Variants in PECR observed in about 807,000 individuals in gnomAD.
The protein encoded by PECR is peroxisomal trans-2-enoyl-CoA reductase.
Under a neutral mutation model 35.3 loss-of-function variants are expected in PECR, and 30 were observed. The observed-to-expected ratio is 0.85, with a 90% CI of 0.64 to 1.15. PECR has a LOEUF of 1.15. Ranked by LOEUF, PECR falls within the 50% of genes most tolerant of loss-of-function variation. PECR has a pLI of 0.00. For missense variants in PECR, 392 were observed against 370.8 expected (o/e 1.06, Z -0.47); for synonymous variants, 148 against 138.9 (o/e 1.07, Z -0.46).
intron 2 of PECR, among the ~76,000 whole-genome samples, chr2:216,066,077 T>C (rs866590502): frequency 6.6e-6 from 1 of 152,170 alleles, no homozygotes; most frequent in Admixed American, 6.5e-5. Context: ...TGAGCCGATA[T>C]AGTGCCACTG....
chr2:216,079,557 G>A lies in PECR; in HGVS notation c.124+2061C>T, dbSNP rs1574711590. On this transcript the variant is annotated intron_variant, in intron 1 of 7. Transcript: ENST00000265322. ...TAATTTTTGTATTCTTAGTAGAGAC[G>A]AGGTTTCACCATGTTTTCCCAGGCT... Among the ~76,000 whole-genome samples the A allele has an allele frequency of 4.6e-5, 7 of 151,638 alleles. No individual in the cohort carries two copies. In the South Asian group the frequency reaches 1.5e-3, roughly 32 times the overall value.
At chr2:216,073,769 C>G (rs891385286) in intron 1 of PECR, among the ~76,000 whole-genome samples, 15 of 152,158 alleles carry the variant, frequency 9.9e-5, no homozygotes, top group African/African-American at 3.1e-4. Flanking sequence ...ACCTCCCGTA[C>G]AGGTTTGGAG....
chr2:216,071,695 C>A (rs1220635293), intron 1 of PECR, among the ~76,000 whole-genome samples: 1 of 152,158 alleles, frequency 6.6e-6, no homozygotes, highest in Non-Finnish European at 1.5e-5. Context: ...CAATCAAAAT[C>A]AACAACTCCT....
intron 6 of PECR, 75 bp downstream of exon 6, chr2:216,049,188 T>TA: frequency 1.2e-6 from 1 of 811,526 alleles, no homozygotes; most frequent in East Asian, 2.4e-5. Context: ...CCAGACCGCA[T>TA]AAAAATGACA....
chr2:216,080,446 A>AT (rs1695814465), intron 1 of PECR, among the ~76,000 whole-genome samples: 1 of 152,188 alleles, frequency 6.6e-6, no homozygotes, highest in Non-Finnish European at 1.5e-5. Context: ...CTTATATTGG[A>AT]TTTTTAGGTA....
chr2:216,059,706 T>A (rs1695296746), intron 3 of PECR, among the ~76,000 whole-genome samples: 1 of 152,226 alleles, frequency 6.6e-6, no homozygotes, highest in Non-Finnish European at 1.5e-5. Context: ...ATCTAGTGGG[T>A]GTGAAGTGGT....
intron 7 of PECR, among the ~76,000 whole-genome samples, chr2:216,043,031 ATGTATG>A (rs1220211156): frequency 6.3e-5 from 8 of 127,752 alleles, no homozygotes; most frequent in South Asian, 4.7e-4. Flanking sequence ...ATACGTATAT[ATGTATG>A]TGTATATATA....
intron 1 of PECR, among the ~76,000 whole-genome samples, chr2:216,071,089 A>G (rs1695579192): frequency 6.6e-6 from 1 of 152,010 alleles, no homozygotes; most frequent in Admixed American, 6.6e-5. Context: ...TTCAGCTCAT[A>G]CTGGGGGAAC....
At chr2:216,062,426 C>G (rs1011699427) in intron 3 of PECR, among the ~76,000 whole-genome samples, 6 of 152,018 alleles carry the variant, frequency 3.9e-5, no homozygotes, top group African/African-American at 9.7e-5. Context: ...CAACATTTTT[C>G]CAAAAGTAAA....
At chr2:216,078,525 T>G (rs921827423) in intron 1 of PECR, among the ~76,000 whole-genome samples, 1 of 150,550 alleles carries the variant, frequency 6.6e-6, no homozygotes, top group Non-Finnish European at 1.5e-5. Context: ...GAGGTGGAGG[T>G]TGCAGTGAGC....
intron 7 of PECR, among the ~76,000 whole-genome samples, chr2:216,033,225 C>G (rs767487104): frequency 5.9e-5 from 9 of 152,168 alleles, no homozygotes; most frequent in Non-Finnish European, 1.3e-4. Context: ...ACCAACCCCC[C>G]TTCCTCCATT....
intron 7 of PECR, among the ~76,000 whole-genome samples, chr2:216,030,871 G>A (rs1694671805): frequency 6.7e-6 from 1 of 150,062 alleles, no homozygotes; most frequent in African/African-American, 2.5e-5. Flanking sequence ...AATTAATTCT[G>A]TGGGCAATTT....
At chr2:216,060,504 A>G (rs1039924322) in intron 3 of PECR, among the ~76,000 whole-genome samples, 1 of 152,124 alleles carries the variant, frequency 6.6e-6, no homozygotes, top group Non-Finnish European at 1.5e-5. Flanking sequence ...TCTATGAAAA[A>G]TTAAAAAATT....
chr2:216,042,951 G>GTATA (rs200990474), intron 7 of PECR, among the ~76,000 whole-genome samples: 4 of 124,586 alleles, frequency 3.2e-5, no homozygotes, highest in South Asian at 2.5e-4. Flanking sequence ...ACGTATATGT[G>GTATA]TATATATATA....
downstream of PECR, chr2:216,038,281 C>T (rs990088726): frequency 1.8e-4 from 27 of 152,268 alleles, no homozygotes; most frequent in African/African-American, 6.0e-4. Flanking sequence ...AACCCTAATA[C>T]ATTTGCATGC....
At position 216,043,059 on chromosome 2, in the gene PECR, G is replaced by A. The variant is rs889908039; in HGVS notation, c.826+845C>T. ...TATGTGTATATATATATACACATAC[G>A]TATATATGTATGTATATATATACAC... On this transcript the variant is annotated intron_variant, in intron 7 of 7. Coordinates refer to ENST00000265322, the MANE Select transcript of PECR (RefSeq NM_018441.6). Among the ~76,000 whole-genome samples, 30 of 75,986 alleles carry A rather than the reference G, an allele frequency of 3.9e-4. 2 individuals are homozygous for A. The highest frequency in any genetic ancestry group is 1.2e-3 in the African/African-American group (21 of 16,886). The allele number at this position is 75,986 out of a possible 152,430, so 49.8% of individuals were successfully genotyped here. A position where few individuals can be genotyped will look rare whatever the true frequency, so the allele number is the denominator to read the frequency against.
chr2:216,047,781 G>A (rs180931967), intron 6 of PECR, among the ~76,000 whole-genome samples: 181 of 152,146 alleles, frequency 1.2e-3, no homozygotes, highest in Admixed American at 4.5e-3. Flanking sequence ...TAGAATCAGC[G>A]TGTTAAATTC....
intron 1 of PECR, among the ~76,000 whole-genome samples, chr2:216,074,646 A>G (rs186910428): frequency 2.0e-5 from 3 of 152,318 alleles, no homozygotes; most frequent in Non-Finnish European, 1.5e-5. Flanking sequence ...TGAGAATATA[A>G]ATAGGATGAT....
intron 7 of PECR, among the ~76,000 whole-genome samples, chr2:216,042,761 T>C (rs1211246147): frequency 6.6e-6 from 1 of 151,930 alleles, no homozygotes; most frequent in Non-Finnish European, 1.5e-5. Flanking sequence ...ATAAAACTTC[T>C]GGTTTTTTTT....
Sources: allele counts gnomAD v4.1 joint callset (sites outside exome capture counted in the v4.1 genomes callset), GRCh38; gene constraint gnomAD v4.1.1; transcripts MANE v1.5; gene names NCBI Gene and HGNC (gene_info 2026-07-23, HGNC 2026-07-21).